PLEKHA1: variants seen among roughly 807,000 people sequenced by gnomAD.
PLEKHA1 encodes the protein pleckstrin homology domain containing A1.
Under a neutral mutation model 52.0 loss-of-function variants are expected in PLEKHA1, and 34 were observed. That is an observed-to-expected ratio of 0.65 (90% CI 0.50 to 0.87). PLEKHA1 has a LOEUF of 0.87. Ranked by LOEUF, PLEKHA1 falls within the 40% of genes least tolerant of loss-of-function variation. PLEKHA1 has a pLI of 0.00. For missense variants in PLEKHA1, 497 were observed against 504.2 expected, an observed-to-expected ratio of 0.99 and a Z score of 0.14; for synonymous variants, 163 against 170.7, an observed-to-expected ratio of 0.95 and a Z score of 0.35.
intron 1 of PLEKHA1, among the ~76,000 whole-genome samples, chr10:122,388,952 T>C (rs1162542943): frequency 1.3e-5 from 2 of 152,358 alleles, no homozygotes; most frequent in Admixed American, 6.5e-5. Context: ...TTTTGCTGTT[T>C]CTGCCATATT....
At chr10:122,398,749 G>T (rs1480629161) in intron 3 of PLEKHA1, among the ~76,000 whole-genome samples, 3 of 152,018 alleles carry the variant, frequency 2.0e-5, no homozygotes, top group Non-Finnish European at 4.4e-5. Context: ...GGCAAAGGTA[G>T]ATCACTTCAA....
intron 5 of PLEKHA1, among the ~76,000 whole-genome samples, chr10:122,410,557 T>C (rs2097093551): frequency 6.6e-6 from 1 of 152,196 alleles, no homozygotes; most frequent in African/African-American, 2.4e-5. Context: ...TTCATGGGTA[T>C]TTTGCTTGAA....
chr10:122,401,099 A>G (rs1004464593), intron 4 of PLEKHA1, among the ~76,000 whole-genome samples: 2 of 152,184 alleles, frequency 1.3e-5, no homozygotes, highest in African/African-American at 2.4e-5. Flanking sequence ...ACCACTGCAG[A>G]GAAAAGGCAG....
At position 122,388,703 on chromosome 10, in the gene PLEKHA1, C is replaced by T. The variant is rs138574693; in HGVS notation, c.-20-4478C>T. 4.7e-3 allele frequency among the ~76,000 whole-genome samples: 719 copies of T among 152,212 alleles called. 4 individuals carry two copies. The highest frequency in any genetic ancestry group is 0.017 in the African/African-American group (693 of 41,524). ...AAAAATATTTTATTGCTTAAAAATG[C>T]TAACAGTCATCTCAGCCTCTTCAAA... On this transcript the variant is annotated intron_variant, in intron 1 of 11. Transcript: ENST00000368990.
At chr10:122,383,501 T>G (rs943514796) in intron 1 of PLEKHA1, among the ~76,000 whole-genome samples, 5 of 150,996 alleles carry the variant, frequency 3.3e-5, no homozygotes, top group Non-Finnish European at 5.9e-5. Flanking sequence ...TTTTTTTTTT[T>G]TTGGCAGAGA....
intron 5 of PLEKHA1, among the ~76,000 whole-genome samples, chr10:122,406,990 C>T (rs1472467568): frequency 6.6e-6 from 1 of 152,154 alleles, no homozygotes; most frequent in East Asian, 1.9e-4. Flanking sequence ...ATATATTTTT[C>T]TTCCAATATA....
intron 8 of PLEKHA1, 36 bp downstream of exon 8, chr10:122,418,004 G>T: frequency 6.6e-7 from 1 of 1,518,546 alleles, no homozygotes; most frequent in Non-Finnish European, 9.1e-7. Context: ...CTATAAGAAT[G>T]TTTGAAAAGT....
chr10:122,400,368 C>T lies in PLEKHA1; in HGVS notation c.224C>T (p.Pro75Leu). Residue 75 changes from proline (P) to leucine (L), a missense_variant, in exon 4 of 12, where the codon CCA (proline) becomes CTA (leucine). Pro to Leu is a moderately conservative substitution (Grantham distance 98). Coordinates refer to ENST00000368990, the MANE Select transcript of PLEKHA1 (RefSeq NM_001001974.4). ...SKVSDATKLR[P>L]KAEFCFVMNA... ...GTTAGCGATGCTACTAAGCTAAGGC[C>T]AAAGGCGGAGTTCTGTTTTGGTAAG... is the stretch of plus-strand genomic sequence containing the variant. 1 of 1,607,140 alleles carries T rather than the reference C, an allele frequency of 6.2e-7. No individual in the cohort carries two copies. The highest frequency in any genetic ancestry group is 8.5e-7 in the Non-Finnish European group (1 of 1,177,512).
At position 122,383,222 on chromosome 10, in the gene PLEKHA1, C is replaced by T. The variant is rs891004922; in HGVS notation, c.-21+8416C>T. Among the ~76,000 whole-genome samples, 4 of 152,130 alleles carry T rather than the reference C, an allele frequency of 2.6e-5. No homozygotes were observed. The South Asian group carries it at 6.2e-4, about 24-fold the overall frequency. The stretch of plus-strand genomic sequence containing the variant: ...CTACCAACCCTGCCACCAGTGCCTC[C>T]GTTTATTCCCTTCTCTAAAAATTAT... On this transcript the variant is annotated intron_variant, in intron 1 of 11. Transcript: ENST00000368990.
intron 4 of PLEKHA1, among the ~76,000 whole-genome samples, chr10:122,405,256 A>G (rs981683699): frequency 6.6e-6 from 1 of 152,182 alleles, no homozygotes; most frequent in African/African-American, 2.4e-5. Context: ...TAAGTTAGGG[A>G]GATTTTCTAG....
intron 11 of PLEKHA1, among the ~76,000 whole-genome samples, chr10:122,429,009 A>G (rs769603058): frequency 2.0e-5 from 3 of 152,216 alleles, no homozygotes; most frequent in Non-Finnish European, 4.4e-5. Flanking sequence ...ATATTAAGCC[A>G]TATGAATATA....
chr10:122,375,593 A>G (rs1009697886), intron 1 of PLEKHA1, among the ~76,000 whole-genome samples: 1 of 152,302 alleles, frequency 6.6e-6, no homozygotes, highest in Non-Finnish European at 1.5e-5. Flanking sequence ...GACCTCCTGG[A>G]AAGAGGGGAA....
chr10:122,399,543 ATTAAT>A (rs775961942), intron 3 of PLEKHA1, among the ~76,000 whole-genome samples: 3 of 152,026 alleles, frequency 2.0e-5, no homozygotes, highest in Non-Finnish European at 4.4e-5. Flanking sequence ...TAAGATTAAG[ATTAAT>A]TCAATTAAAT....
chr10:122,397,592 T>C (rs1283031305), intron 2 of PLEKHA1, among the ~76,000 whole-genome samples: 1 of 152,118 alleles, frequency 6.6e-6, no homozygotes, highest in Non-Finnish European at 1.5e-5. Context: ...CCTGTAAATA[T>C]TTCCCCCTTG....
At chr10:122,439,894 TG>T in the PLEKHA1 span, 2 of 152,270 alleles carry the variant, frequency 1.3e-5, no homozygotes, top group South Asian at 2.1e-4. Flanking sequence ...CTATCTTTTC[TG>T]GGGTCAGTTT....
intron 4 of PLEKHA1, among the ~76,000 whole-genome samples, chr10:122,402,460 G>C (rs2096943208): frequency 6.6e-6 from 1 of 152,192 alleles, no homozygotes; most frequent in Non-Finnish European, 1.5e-5. Context: ...GGAGGGAGCA[G>C]AGTATCTGTA....
Position 122,397,966 on chromosome 10 carries a change from A to G in PLEKHA1, c.190A>G (p.Ile64Val), listed in dbSNP as rs761887849. The G allele has an allele frequency of 2.5e-6, 4 of 1,608,276 alleles. No homozygotes were observed. The Admixed American group carries it at 5.0e-5, about 20-fold the overall frequency. The change falls in exon 3 of 12, where the codon ATT becomes GTT. Residue 64 changes from isoleucine (I) to valine (V), a missense_variant. Ile to Val is a conservative substitution (Grantham distance 29). Transcript: ENST00000368990. The part of the protein sequence containing the change: ...SRVGAIKLTY[I>V]SKVSDATKLR... Reference sequence around the variant, plus strand: ...TGTTGGAGCCATTAAGCTTACCTACATTTCAAAGGTAGTCTTTATACATTG... The same window carrying G: ...TGTTGGAGCCATTAAGCTTACCTACGTTTCAAAGGTAGTCTTTATACATTG...
At chr10:122,419,348 T>C in intron 8 of PLEKHA1, 1 of 152,200 alleles carries the variant, frequency 6.6e-6, no homozygotes, top group Non-Finnish European at 1.5e-5. Flanking sequence ...AAAAATGGCA[T>C]AGCATAGCAA....
chr10:122,375,179 T>A (rs1210855744), intron 1 of PLEKHA1, among the ~76,000 whole-genome samples: 1 of 151,882 alleles, frequency 6.6e-6, no homozygotes, highest in Admixed American at 6.5e-5. Flanking sequence ...GACGAGCTCC[T>A]CGGCGTCTCC....
Sources: allele counts gnomAD v4.1 joint callset (sites outside exome capture counted in the v4.1 genomes callset), GRCh38; gene constraint gnomAD v4.1.1; transcripts MANE v1.5; gene names NCBI Gene and HGNC (gene_info 2026-07-23, HGNC 2026-07-21).